The following TSPAN14 variants were observed in gnomAD, a reference collection of about 807,000 sequenced individuals.
TSPAN14 encodes the protein tetraspanin 14, also known as tetraspanin-14.
A neutral mutation model predicts 36.6 loss-of-function variants in TSPAN14; 16 were observed. The ratio of observed to expected loss-of-function variants is 0.44; its 90% confidence interval spans 0.30 to 0.66. TSPAN14 has a LOEUF of 0.66. Among genes scored for constraint, TSPAN14 ranks in the 30% least tolerant of loss-of-function variants. The pLI, the probability that TSPAN14 is intolerant of heterozygous loss-of-function variation, is 0.12. For missense variants in TSPAN14, 231 were observed against 355.1 expected (o/e 0.65, Z 2.81); for synonymous variants, 139 against 143.8 (o/e 0.97, Z 0.24).
intron 1 of TSPAN14, among the ~76,000 whole-genome samples, chr10:80,473,598 C>T (rs1054979469): frequency 1.3e-5 from 2 of 152,074 alleles, no homozygotes; most frequent in African/African-American, 2.4e-5. Flanking sequence ...ATCCAGCCCC[C>T]CTGACGTTGT....
chr10:80,506,400 G>A (rs1840304934), intron 3 of TSPAN14, among the ~76,000 whole-genome samples: 1 of 152,208 alleles, frequency 6.6e-6, no homozygotes, highest in African/African-American at 2.4e-5. Flanking sequence ...GATGATATCT[G>A]ATCTGAGTTA....
At chr10:80,466,520 C>T (rs1846260436) in intron 1 of TSPAN14, 1 of 152,224 alleles carries the variant, frequency 6.6e-6, no homozygotes, top group Admixed American at 6.5e-5. Context: ...CTCGGACTCC[C>T]AAAGTGCTAG....
intron 5 of TSPAN14, 132 bp from the exon 6 acceptor site, chr10:80,512,012 G>A: frequency 7.1e-7 from 1 of 1,403,040 alleles, no homozygotes; most frequent in African/African-American, 1.4e-5. Context: ...GGGAGGTAGG[G>A]GGCGGGCCTT....
At position 80,509,494 on chromosome 10, in the gene TSPAN14, C is replaced by T. The variant is rs777240913; in HGVS notation, c.450+23C>T. The stretch of plus-strand genomic sequence containing the variant: ...GCTGTAAGCACCTCCCCAGCGGGCC[C>T]CCGATAGAGCATGCACCTCCCTGTG... On this transcript the variant is annotated intron_variant, in intron 5 of 8. Coordinates refer to ENST00000429989, the Ensembl canonical transcript of TSPAN14. This position sits in a 1 kb window ranked among gnomAD's most constrained non-coding sequence, Gnocchi z 4.7. 3 of 1,608,838 alleles carry T rather than the reference C, an allele frequency of 1.9e-6. No homozygotes were observed. Among genetic ancestry groups the T allele is most frequent in the African/African-American group, 2.7e-5 (2 of 74,878 alleles).
chr10:80,485,974 G>T (rs983368974), intron 1 of TSPAN14, among the ~76,000 whole-genome samples: 3 of 152,198 alleles, frequency 2.0e-5, no homozygotes, highest in African/African-American at 7.2e-5. Context: ...AGGATACGTT[G>T]TCTGGGTGTG....
chr10:80,494,154 A>G (rs551751051), intron 2 of TSPAN14, among the ~76,000 whole-genome samples: 2 of 152,340 alleles, frequency 1.3e-5, no homozygotes, highest in East Asian at 3.9e-4. Context: ...TTTAAATGAC[A>G]TTCTGCCATT....
rs367887809 is a variant in TSPAN14, at chr10:80,487,703, A to G, written c.-17-1514A>G. The stretch of plus-strand genomic sequence containing the variant: ...TGTGTTCACACTCATTCTTGGAGGC[A>G]AGTTTTATGGATGTGCTCTTGTGAT... On this transcript the variant is annotated intron_variant, in intron 1 of 8. Transcript: ENST00000429989. Among the ~76,000 whole-genome samples the G allele has an allele frequency of 1.6e-3, 241 of 151,614 alleles. 1 individual carries two copies. The highest frequency in any genetic ancestry group is 5.7e-3 in the African/African-American group (234 of 41,302).
intron 3 of TSPAN14, among the ~76,000 whole-genome samples, chr10:80,506,523 A>G (rs1407410226): frequency 1.3e-5 from 2 of 152,230 alleles, no homozygotes; most frequent in Admixed American, 6.5e-5. Flanking sequence ...CAGAATTGCA[A>G]ACATGCTACA....
intron 1 of TSPAN14, among the ~76,000 whole-genome samples, chr10:80,477,407 C>A (rs548606214): frequency 1.3e-5 from 2 of 152,274 alleles, no homozygotes; most frequent in South Asian, 4.1e-4. Context: ...TTTGAGTAGA[C>A]ACATGTAATT....
intron 1 of TSPAN14, among the ~76,000 whole-genome samples, chr10:80,481,863 C>G (rs996772991): frequency 1.3e-5 from 2 of 152,062 alleles, no homozygotes; most frequent in Non-Finnish European, 2.9e-5. Context: ...ATGCCATTCT[C>G]CTGCCTCAGC....
intron 1 of TSPAN14, among the ~76,000 whole-genome samples, chr10:80,483,443 T>C (rs957407490): frequency 2.0e-5 from 3 of 152,232 alleles, no homozygotes; most frequent in Non-Finnish European, 4.4e-5. Context: ...TAATGTGTAT[T>C]CTTTTTCTGG....
intron 1 of TSPAN14, among the ~76,000 whole-genome samples, chr10:80,464,362 G>C (rs1482818775): frequency 6.6e-6 from 1 of 152,222 alleles, no homozygotes; most frequent in South Asian, 2.1e-4. Flanking sequence ...TTTTGAGCGG[G>C]AGCTTCCTTT....
chr10:80,469,326 G>T (rs1176542383), intron 1 of TSPAN14, among the ~76,000 whole-genome samples: 5 of 152,024 alleles, frequency 3.3e-5, no homozygotes, highest in Admixed American at 1.3e-4. Flanking sequence ...TTTCTATAAA[G>T]ATGTTTTGGT....
chr10:80,464,428 C>G (rs1487672168), intron 1 of TSPAN14, among the ~76,000 whole-genome samples: 2 of 152,122 alleles, frequency 1.3e-5, no homozygotes, highest in African/African-American at 4.8e-5. Context: ...GAGGGACAGT[C>G]GTGAGAGCAT....
intron 3 of TSPAN14, among the ~76,000 whole-genome samples, chr10:80,506,896 C>T (rs1840334129): frequency 6.6e-6 from 1 of 152,230 alleles, no homozygotes; most frequent in Non-Finnish European, 1.5e-5. Flanking sequence ...ACCTGGGTGA[C>T]CAGTTTGACC....
intron 1 of TSPAN14, among the ~76,000 whole-genome samples, chr10:80,458,335 T>G (rs1366053024): frequency 1.3e-5 from 2 of 152,120 alleles, no homozygotes; most frequent in African/African-American, 4.8e-5. Context: ...AGTTAAATTT[T>G]CCCCCTCAGG....
At chr10:80,512,290 G>A (rs1564745920) in intron 6 of TSPAN14, 21 bp downstream of exon 6, 3 of 1,612,694 alleles carry the variant, frequency 1.9e-6, no homozygotes, top group Non-Finnish European at 1.7e-6. Context: ...TTGTGCTGGG[G>A]CACAGGGAGC....
At chr10:80,510,300 A>T (rs1046841177) in intron 5 of TSPAN14, among the ~76,000 whole-genome samples, 1 of 152,232 alleles carries the variant, frequency 6.6e-6, no homozygotes, top group Non-Finnish European at 1.5e-5. Flanking sequence ...ATTAACCAAA[A>T]CTTGTTCACC....
intron 2 of TSPAN14, among the ~76,000 whole-genome samples, chr10:80,496,673 C>T (rs1457399178): frequency 6.6e-6 from 1 of 152,118 alleles, no homozygotes; most frequent in Admixed American, 6.6e-5. Context: ...GAGTGTTTTA[C>T]CATTCTCCTT....
Sources: gnomAD v4.1 joint callset for allele counts (sites outside exome capture counted in the v4.1 genomes callset) on GRCh38, gnomAD v4.1.1 for gene constraint, Gnocchi (gnomAD v3.1) non-coding constraint, MANE v1.5 for transcripts, NCBI Gene and HGNC (gene_info 2026-07-23, HGNC 2026-07-21) for gene names.